The following PLAAT3 variants were observed in gnomAD, a reference collection of about 807,000 sequenced individuals.
The protein encoded by PLAAT3 is phospholipase A and acyltransferase 3.
Under a neutral mutation model 16.7 loss-of-function variants are expected in PLAAT3, and 21 were observed. The observed-to-expected ratio is 1.26, with a 90% confidence interval of 0.89 to 1.81. PLAAT3 has a LOEUF of 1.81. PLAAT3 is among the 40% of genes most tolerant of loss of function. The pLI, the probability that PLAAT3 is intolerant of heterozygous loss-of-function variation, is 0.00. For synonymous variants in PLAAT3, 76 were observed against 81.7 expected, an observed-to-expected ratio of 0.93 and a Z score of 0.38; for missense variants, 219 against 213.7, an observed-to-expected ratio of 1.02 and a Z score of -0.16.
Position 63,575,031 on chromosome 11 carries a change from T to C in PLAAT3, c.403A>G (p.Ile135Val), listed in dbSNP as rs2134385673. The C allele has an allele frequency of 1.2e-6, 2 of 1,611,678 alleles. No homozygotes were observed. Among genetic ancestry groups the C allele is most frequent in the Non-Finnish European group, 8.5e-7 (1 of 1,177,804 alleles). ...CCCATTCCTGCAACGCTTGCAGCGA[T>C]GATGACATCTCTGACCTGCAACAAA... is the stretch of plus-strand genomic sequence containing the variant. The part of the protein sequence containing the change: ...ARSDQVRDVI[I>V]AASVAGMGLA... The change falls in exon 5 of 5, where the codon ATC (isoleucine) becomes GTC (valine). Residue 135 changes from isoleucine (I) to valine (V), a missense_variant. Coordinates refer to ENST00000415826, the MANE Select transcript of PLAAT3 (RefSeq NM_001128203.2).
chr11:63,589,968 G>T, intron 4 of PLAAT3, 132 bp downstream of exon 4: 2 of 676,750 alleles, frequency 3.0e-6, no homozygotes, highest in South Asian at 1.6e-5. Flanking sequence ...TGTCCCAACT[G>T]TGACATCCTC....
intron 2 of PLAAT3, among the ~76,000 whole-genome samples, chr11:63,607,387 C>T (rs918608232): frequency 1.3e-5 from 2 of 152,076 alleles, no homozygotes; most frequent in Non-Finnish European, 2.9e-5. Context: ...AGAATGGGGA[C>T]ACAGTGGCAT....
rs1003797672 is a variant in PLAAT3, at chr11:63,590,500, G to A, written c.119-132C>T. 93 of 706,720 alleles carry A rather than the reference G, an allele frequency of 1.3e-4. 2 individuals carry two copies. Among genetic ancestry groups the A allele is most frequent in the East Asian group, 2.9e-4 (11 of 37,388 alleles). 43.8% of individuals were successfully genotyped at this position (706,720 alleles called of 1,614,324 possible). A position where few individuals can be genotyped will look rare whatever the true frequency, so the allele number is the denominator to read the frequency against. ...TAAGCAACAAGTGGAAGGGTCAGAC[G>A]CATGGCTGTGGGCCTTGGGGAAGGT... On this transcript the variant is annotated intron_variant, in intron 3 of 4. Transcript: ENST00000415826.
chr11:63,615,124 GTATATA>G (rs1476781320), upstream of PLAAT3, among the ~76,000 whole-genome samples: 2 of 89,710 alleles, frequency 2.2e-5, no homozygotes, highest in African/African-American at 3.9e-5. Flanking sequence ...ATATATGTGT[GTATATA>G]TGTATATGTG....
intron 3 of PLAAT3, among the ~76,000 whole-genome samples, chr11:63,595,102 C>G (rs751827886): frequency 9.9e-5 from 15 of 151,948 alleles, no homozygotes; most frequent in Non-Finnish European, 1.6e-4. Flanking sequence ...ACCAGCCTGG[C>G]CAACATGGTG....
At chr11:63,582,780 C>T (rs1395366950) in intron 4 of PLAAT3, among the ~76,000 whole-genome samples, 1 of 152,108 alleles carries the variant, frequency 6.6e-6, no homozygotes, top group Non-Finnish European at 1.5e-5. Flanking sequence ...CATCAAGATA[C>T]GTATATATTT....
chr11:63,594,738 C>A (rs2134413571), intron 3 of PLAAT3, among the ~76,000 whole-genome samples: 1 of 152,216 alleles, frequency 6.6e-6, no homozygotes, highest in Middle Eastern at 3.4e-3. Context: ...GGGCGTTAAG[C>A]AGAGAAGGAT....
chr11:63,588,152 C>T (rs1450391792), intron 4 of PLAAT3, among the ~76,000 whole-genome samples: 1 of 150,984 alleles, frequency 6.6e-6, no homozygotes, highest in East Asian at 2.0e-4. Flanking sequence ...TCACTGCAAC[C>T]TCTGCCTCCC....
intron 2 of PLAAT3, among the ~76,000 whole-genome samples, chr11:63,605,683 G>T (rs1938537793): frequency 6.6e-6 from 1 of 151,910 alleles, no homozygotes; most frequent in African/African-American, 2.4e-5. Flanking sequence ...CTCCCGAGTA[G>T]CTGGGACTAC....
chr11:63,578,029 T>A (rs1937666853), intron 4 of PLAAT3, among the ~76,000 whole-genome samples: 3 of 152,116 alleles, frequency 2.0e-5, no homozygotes, highest in Admixed American at 2.0e-4. Flanking sequence ...AAGTCTGTAA[T>A]CCCAGCACTT....
chr11:63,581,382 A>G (rs1937811064), intron 4 of PLAAT3, among the ~76,000 whole-genome samples: 1 of 152,182 alleles, frequency 6.6e-6, no homozygotes, highest in Non-Finnish European at 1.5e-5. Context: ...TCCTGGGGGT[A>G]GGTCTATAGA....
chr11:63,615,547 G>A (rs559901726), upstream of PLAAT3, among the ~76,000 whole-genome samples: 1 of 152,044 alleles, frequency 6.6e-6, no homozygotes, highest in East Asian at 1.9e-4. Context: ...CCATGTTGAA[G>A]GACACCTTCC....
chr11:63,590,641 C>T (rs1338572836), intron 3 of PLAAT3, among the ~76,000 whole-genome samples: 3 of 152,214 alleles, frequency 2.0e-5, no homozygotes, highest in Non-Finnish European at 4.4e-5. Context: ...CCTCATGACA[C>T]TTAAGTGGCC....
chr11:63,601,477 A>G (rs746151486), intron 2 of PLAAT3, among the ~76,000 whole-genome samples: 10 of 151,896 alleles, frequency 6.6e-5, no homozygotes, highest in Non-Finnish European at 1.3e-4. Flanking sequence ...TCAACACATA[A>G]TTACGCTCAA....
At chr11:63,580,857 G>A (rs553159430) in intron 4 of PLAAT3, among the ~76,000 whole-genome samples, 25 of 152,266 alleles carry the variant, frequency 1.6e-4, no homozygotes, top group African/African-American at 4.6e-4. Flanking sequence ...GTGGAAAGTC[G>A]GGGACCCCAA....
At chr11:63,609,962 T>A (rs1352364128) in intron 2 of PLAAT3, among the ~76,000 whole-genome samples, 2 of 152,150 alleles carry the variant, frequency 1.3e-5, no homozygotes, top group Non-Finnish European at 2.9e-5. Context: ...GGTTTTCACC[T>A]GTTACCTGGA....
At chr11:63,610,536 G>T (rs554074945) in intron 2 of PLAAT3, among the ~76,000 whole-genome samples, 2 of 152,284 alleles carry the variant, frequency 1.3e-5, no homozygotes, top group East Asian at 3.9e-4. Flanking sequence ...CTCAGCCCGT[G>T]GCTGAATAGG....
chr11:63,600,639 G>C (rs1222594650), intron 2 of PLAAT3, among the ~76,000 whole-genome samples: 1 of 149,746 alleles, frequency 6.7e-6, no homozygotes, highest in African/African-American at 2.5e-5. Flanking sequence ...CTCTCGCTCT[G>C]TCTCCCAGGC....
intron 2 of PLAAT3, among the ~76,000 whole-genome samples, chr11:63,600,959 G>C (rs1202600939): frequency 6.7e-6 from 1 of 148,962 alleles, no homozygotes; most frequent in Non-Finnish European, 1.5e-5. Context: ...TGTTTATTAA[G>C]ACTCACAGAA....
Sources: gnomAD v4.1 joint callset for allele counts (sites outside exome capture counted in the v4.1 genomes callset) on GRCh38, gnomAD v4.1.1 for gene constraint, MANE v1.5 for transcripts, NCBI Gene and HGNC (gene_info 2026-07-23, HGNC 2026-07-21) for gene names.